SNTB1: variants seen among roughly 807,000 people sequenced by gnomAD.
The protein encoded by SNTB1 is beta-1-syntrophin.
A neutral mutation model predicts 48.9 loss-of-function variants in SNTB1; 36 were observed. That is an observed-to-expected ratio of 0.74 (90% CI 0.56 to 0.97). The LOEUF is 0.97. SNTB1 is among the 50% of genes least tolerant of loss of function. The pLI is 0.00. For synonymous variants in SNTB1, 299 were observed against 294.6 expected, an observed-to-expected ratio of 1.01 and a Z score of -0.15; for missense variants, 786 against 703.4, an observed-to-expected ratio of 1.12 and a Z score of -1.33.
intron 3 of SNTB1, among the ~76,000 whole-genome samples, chr8:120,596,267 CA>C (rs1816323908): frequency 6.6e-6 from 1 of 151,570 alleles, no homozygotes; most frequent in Middle Eastern, 3.5e-3. Context: ...TTCACTAAAC[CA>C]AAAATCTATC....
At chr8:120,622,261 A>G (rs1320530819) in intron 3 of SNTB1, among the ~76,000 whole-genome samples, 1 of 152,190 alleles carries the variant, frequency 6.6e-6, no homozygotes, top group Non-Finnish European at 1.5e-5. Context: ...GCCCATATGT[A>G]GATATGGATG....
intron 1 of SNTB1, 41 bp downstream of exon 1, chr8:120,811,232 T>A (rs2130200764): frequency 1.9e-6 from 3 of 1,544,460 alleles, no homozygotes; most frequent in Middle Eastern, 1.8e-4. Flanking sequence ...CGAGCAGGTG[T>A]GTGCGCGCCC....
chr8:120,668,968 C>T (rs943533494), intron 2 of SNTB1, among the ~76,000 whole-genome samples: 4 of 152,146 alleles, frequency 2.6e-5, no homozygotes, highest in African/African-American at 7.2e-5. Flanking sequence ...AAGCTTCAAA[C>T]GGCTCCACCT....
At chr8:120,747,810 C>T (rs976206931) in intron 1 of SNTB1, among the ~76,000 whole-genome samples, 4 of 152,138 alleles carry the variant, frequency 2.6e-5, no homozygotes, top group Non-Finnish European at 5.9e-5. Flanking sequence ...CACATGCACT[C>T]ATGAACTTAA....
At position 120,536,405 on chromosome 8, in the gene SNTB1, G is replaced by A. The variant is rs1020523163; in HGVS notation, c.*2472C>T. The A allele has an allele frequency of 1.2e-4, 18 of 152,174 alleles. 1 individual carries two copies. The highest frequency in any genetic ancestry group is 3.3e-4 in the Admixed American group (5 of 15,280). The allele number at this position is 152,174 out of a possible 1,614,324, so 9.4% of individuals were successfully genotyped here. A position where few individuals can be genotyped will look rare whatever the true frequency, so the allele number is the denominator to read the frequency against. On this transcript the variant is annotated 3_prime_UTR_variant, in exon 7 of 7. Coordinates refer to ENST00000517992, the MANE Select transcript of SNTB1 (RefSeq NM_021021.4). ...TGATTCATTGACTGTACCCAAGCAT[G>A]ATCCAGACTTATGAGTTTGTGTCAT...
intron 1 of SNTB1, among the ~76,000 whole-genome samples, chr8:120,720,289 C>T (rs1444027739): frequency 6.6e-6 from 1 of 152,208 alleles, no homozygotes; most frequent in African/African-American, 2.4e-5. Context: ...GGCCCAGTAT[C>T]CTCCCTGTTC....
intron 1 of SNTB1, among the ~76,000 whole-genome samples, chr8:120,735,159 T>G (rs1818922896): frequency 6.6e-6 from 1 of 152,122 alleles, no homozygotes. Flanking sequence ...CAACCCGAGG[T>G]CAATGCCACA....
chr8:120,597,091 T>C (rs1816339892), intron 3 of SNTB1, among the ~76,000 whole-genome samples: 1 of 152,108 alleles, frequency 6.6e-6, no homozygotes, highest in African/African-American at 2.4e-5. Context: ...AAGCCCTAAA[T>C]GCAATCACAA....
chr8:120,683,062 T>C (rs1422087929), intron 2 of SNTB1, among the ~76,000 whole-genome samples: 1 of 152,026 alleles, frequency 6.6e-6, no homozygotes, highest in African/African-American at 2.4e-5. Context: ...TTTGTATTTT[T>C]AGTAGAGACG....
At chr8:120,681,418 C>A (rs1247808854) in intron 2 of SNTB1, among the ~76,000 whole-genome samples, 2 of 152,080 alleles carry the variant, frequency 1.3e-5, no homozygotes, top group African/African-American at 4.8e-5. Context: ...AATGCTATAA[C>A]CTAAAGGGCC....
At chr8:120,704,699 G>A (rs1818354097) in intron 1 of SNTB1, among the ~76,000 whole-genome samples, 1 of 152,120 alleles carries the variant, frequency 6.6e-6, no homozygotes, top group East Asian at 1.9e-4. Flanking sequence ...GTACATAATA[G>A]GTGTTGGTTT....
In SNTB1 at chr8:120,727,701, T is replaced by G. The variant is rs1042697719; in HGVS notation, c.572-33793A>C. 7.9e-5 allele frequency among the ~76,000 whole-genome samples: 12 copies of G among 152,218 alleles called. 2 individuals carry two copies. Among genetic ancestry groups the G allele is most frequent in the African/African-American group, 2.9e-4 (12 of 41,458 alleles). ...ATTCATGAAAGAGCAGAAGTTTTTA[T>G]CATTCCTGTGTAAAATTTACCATGT... On this transcript the variant is annotated intron_variant, in intron 1 of 6. Transcript: ENST00000517992.
chr8:120,768,305 A>G (rs76303523), intron 1 of SNTB1, among the ~76,000 whole-genome samples: 2 of 152,198 alleles, frequency 1.3e-5, no homozygotes, highest in South Asian at 4.1e-4. Flanking sequence ...CGAGTACCCT[A>G]CAGCCAGTAG....
At chr8:120,764,381 C>T (rs1819480115) in intron 1 of SNTB1, among the ~76,000 whole-genome samples, 1 of 152,094 alleles carries the variant, frequency 6.6e-6, no homozygotes, top group Non-Finnish European at 1.5e-5. Context: ...AAAAAATAAA[C>T]TAGATTACAT....
intron 2 of SNTB1, among the ~76,000 whole-genome samples, chr8:120,649,200 C>T (rs147564562): frequency 0.41 from 60,249 of 147,718 alleles, 13,251 homozygotes; most frequent in Non-Finnish European, 0.48. Flanking sequence ...CTTTGTTCCG[C>T]TGCTGGTGAG....
chr8:120,579,596 C>T (rs1224953432), intron 3 of SNTB1, among the ~76,000 whole-genome samples: 1 of 152,164 alleles, frequency 6.6e-6, no homozygotes, highest in Non-Finnish European at 1.5e-5. Flanking sequence ...GCAACAATTG[C>T]TTGAGCCCAG....
intron 1 of SNTB1, among the ~76,000 whole-genome samples, chr8:120,738,591 A>C (rs1818990747): frequency 1.1e-5 from 1 of 90,188 alleles, no homozygotes; most frequent in South Asian, 3.2e-4. Context: ...CTTCCTTCTT[A>C]GTGTAACAAT....
intron 3 of SNTB1, among the ~76,000 whole-genome samples, chr8:120,576,477 A>G (rs1160071881): frequency 6.6e-6 from 1 of 152,216 alleles, no homozygotes; most frequent in Non-Finnish European, 1.5e-5. Flanking sequence ...ATGAGTGATC[A>G]AAGTAGAGAA....
intron 3 of SNTB1, among the ~76,000 whole-genome samples, chr8:120,593,940 A>G (rs1014370030): frequency 1.3e-5 from 2 of 152,104 alleles, no homozygotes; most frequent in African/African-American, 2.4e-5. Flanking sequence ...AGGGACTTTC[A>G]TTGTTCACTT....
Sources: gnomAD v4.1 joint callset for allele counts (sites outside exome capture counted in the v4.1 genomes callset) on GRCh38, gnomAD v4.1.1 for gene constraint, MANE v1.5 for transcripts, NCBI Gene and HGNC (gene_info 2026-07-23, HGNC 2026-07-21) for gene names.